Variants in SBF2 observed in about 807,000 individuals in gnomAD.
SBF2 encodes myotubularin-related protein 13.
A neutral mutation model predicts 225.2 loss-of-function variants in SBF2; 112 were observed. That is an observed-to-expected ratio of 0.50 (90% CI 0.43 to 0.58). The LOEUF is 0.58. Among genes scored for constraint, SBF2 ranks in the 20% least tolerant of loss-of-function variants. The pLI is 0.00. For synonymous variants in SBF2, 763 were observed against 773.3 expected (o/e 0.99, Z 0.22); for missense variants, 1,996 against 2,206.2 (o/e 0.90, Z 1.91).
At chr11:10,286,182 A>G (rs1011900258) in intron 1 of SBF2, among the ~76,000 whole-genome samples, 8 of 151,910 alleles carry the variant, frequency 5.3e-5, no homozygotes, top group African/African-American at 1.5e-4. Flanking sequence ...ACACACACAC[A>G]CACACACACA....
intron 3 of SBF2, among the ~76,000 whole-genome samples, chr11:10,032,028 T>C (rs1201930922): frequency 6.6e-6 from 1 of 152,198 alleles, no homozygotes; most frequent in African/African-American, 2.4e-5. Context: ...GTGTGAGCCA[T>C]CATGCTTGGC....
chr11:9,903,148 C>T (rs1861859241), intron 16 of SBF2, among the ~76,000 whole-genome samples: 1 of 151,922 alleles, frequency 6.6e-6, no homozygotes, highest in African/African-American at 2.4e-5. Context: ...AGTGAAACCC[C>T]GTCTCTACTA....
intron 6 of SBF2, 100 bp from the exon 7 acceptor site, chr11:10,002,789 G>A: frequency 8.8e-7 from 1 of 1,135,720 alleles, no homozygotes; most frequent in South Asian, 1.3e-5. Context: ...CAGTAATTTT[G>A]GACTCTCTGA....
chr11:10,195,669 A>C (rs80288885), intron 1 of SBF2, among the ~76,000 whole-genome samples: 14,485 of 152,212 alleles, frequency 0.095, 939 homozygotes, highest in East Asian at 0.28. Flanking sequence ...ATTTACGGCC[A>C]AATTTTTATG....
chr11:9,994,711 C>T (rs11042584), intron 9 of SBF2, among the ~76,000 whole-genome samples: 3,139 of 151,792 alleles, frequency 0.021, 82 homozygotes, highest in African/African-American at 0.062. Flanking sequence ...AAAACAGCTG[C>T]TTGTTTTTAT....
chr11:9,955,566 C>G lies in SBF2; in HGVS notation c.1860+6391G>C, dbSNP rs114364865. 4.9e-3 allele frequency among the ~76,000 whole-genome samples: 746 copies of G among 152,084 alleles called. 5 individuals are homozygous for G. The highest frequency in any genetic ancestry group is 0.017 in the African/African-American group (706 of 41,534). On this transcript the variant is annotated intron_variant, in intron 16 of 39. Coordinates refer to ENST00000256190, the MANE Select transcript of SBF2 (RefSeq NM_030962.4). ...AGTATTATATCTACTGTCTCATACT[C>G]TAAAGAATGTATATCCAGTAAAAGT...
At chr11:10,294,232 C>T (rs1964369127), upstream of SBF2, 1 of 483,486 alleles carries the variant, frequency 2.1e-6, no homozygotes, top group Non-Finnish European at 3.2e-6. Flanking sequence ...GCTTGCGCGG[C>T]GCCTAGTGCC....
chr11:10,115,499 G>A (rs539210793), intron 2 of SBF2, among the ~76,000 whole-genome samples: 22 of 152,216 alleles, frequency 1.4e-4, no homozygotes, highest in African/African-American at 5.1e-4. Context: ...TGGCTCATGT[G>A]CACACACAGA....
At chr11:10,269,238 A>G (rs1426878663) in intron 1 of SBF2, among the ~76,000 whole-genome samples, 1 of 152,160 alleles carries the variant, frequency 6.6e-6, no homozygotes, top group Admixed American at 6.5e-5. Context: ...TGTGTTCAAT[A>G]CTCAGAGACT....
chr11:10,038,863 T>A (rs1480473245), intron 3 of SBF2, among the ~76,000 whole-genome samples: 1 of 151,802 alleles, frequency 6.6e-6, no homozygotes, highest in Non-Finnish European at 1.5e-5. Context: ...TAAATTTAAA[T>A]TTTAGATATT....
At chr11:9,946,490 G>A (rs188520273) in intron 16 of SBF2, among the ~76,000 whole-genome samples, 57 of 138,656 alleles carry the variant, frequency 4.1e-4, no homozygotes, top group African/African-American at 8.4e-4. Flanking sequence ...CACTTTTGTC[G>A]CCCAGGCTGG....
chr11:9,895,004 T>C (rs1444271483), intron 17 of SBF2, among the ~76,000 whole-genome samples: 1 of 152,062 alleles, frequency 6.6e-6, no homozygotes, highest in East Asian at 1.9e-4. Flanking sequence ...TAAATAAAAA[T>C]AAAACAAAAT....
At chr11:10,280,063 T>A (rs544219610) in intron 1 of SBF2, among the ~76,000 whole-genome samples, 1 of 152,304 alleles carries the variant, frequency 6.6e-6, no homozygotes, top group South Asian at 2.1e-4. Context: ...AGTATTTGCA[T>A]TATACTTACT....
At chr11:10,007,553 T>C (rs1948250297) in intron 6 of SBF2, among the ~76,000 whole-genome samples, 1 of 152,144 alleles carries the variant, frequency 6.6e-6, no homozygotes, top group African/African-American at 2.4e-5. Flanking sequence ...CATAGCCCTA[T>C]GAAACAACCC....
intron 33 of SBF2, among the ~76,000 whole-genome samples, chr11:9,794,641 G>C (rs986606811): frequency 3.9e-4 from 47 of 119,246 alleles, no homozygotes; most frequent in African/African-American, 1.4e-3. Context: ...CTCCAGCCTT[G>C]GAGACAGAGT....
chr11:9,932,696 T>A (rs1390411311), intron 16 of SBF2, among the ~76,000 whole-genome samples: 2 of 152,030 alleles, frequency 1.3e-5, no homozygotes, highest in Non-Finnish European at 2.9e-5. Flanking sequence ...GTAAAGACCA[T>A]CAATGTTACA....
At chr11:10,190,702 T>C (rs968787579) in intron 2 of SBF2, among the ~76,000 whole-genome samples, 5 of 152,162 alleles carry the variant, frequency 3.3e-5, no homozygotes, top group African/African-American at 4.8e-5. Flanking sequence ...CAACAGAAAA[T>C]AATTTGAATA....
chr11:9,815,425 C>T (rs1216817437), intron 29 of SBF2, among the ~76,000 whole-genome samples: 1 of 150,988 alleles, frequency 6.6e-6, no homozygotes, highest in Non-Finnish European at 1.5e-5. Flanking sequence ...TGCATTCCAG[C>T]CTAGCGACAG....
chr11:10,079,644 T>G (rs6483970), intron 2 of SBF2, among the ~76,000 whole-genome samples: 71,131 of 151,850 alleles, frequency 0.47, 17,042 homozygotes, highest in Admixed American at 0.57. Flanking sequence ...TCCTGAGAAA[T>G]AAAAAAGTTT....
Sources: gnomAD v4.1 joint callset for allele counts (sites outside exome capture counted in the v4.1 genomes callset) on GRCh38, gnomAD v4.1.1 for gene constraint, MANE v1.5 for transcripts, NCBI Gene and HGNC (gene_info 2026-07-23, HGNC 2026-07-21) for gene names.